Variants in ATP8A1 observed in about 807,000 individuals in gnomAD.
ATP8A1 encodes phospholipid-transporting ATPase IA.
Under a neutral mutation model 177.7 loss-of-function variants are expected in ATP8A1, and 90 were observed. The ratio of observed to expected loss-of-function variants is 0.51; its 90% confidence interval spans 0.43 to 0.60. The LOEUF is 0.60. Among genes scored for constraint, ATP8A1 ranks in the 20% least tolerant of loss-of-function variants. The pLI is 0.00. For synonymous variants in ATP8A1, 493 were observed against 485.9 expected, an observed-to-expected ratio of 1.01 and a Z score of -0.19; for missense variants, 1,072 against 1,392.8, an observed-to-expected ratio of 0.77 and a Z score of 3.67.
chr4:42,655,567 T>C (rs1235231127), intron 1 of ATP8A1, among the ~76,000 whole-genome samples: 1 of 152,244 alleles, frequency 6.6e-6, no homozygotes, highest in Non-Finnish European at 1.5e-5. Flanking sequence ...TATTCAACTG[T>C]GTATGTAAAA....
intron 31 of ATP8A1, among the ~76,000 whole-genome samples, chr4:42,446,098 A>AAAAAAG (rs1553874360): frequency 6.8e-6 from 1 of 146,898 alleles, no homozygotes; most frequent in African/African-American, 2.5e-5. Flanking sequence ...AAAAAAAAAA[A>AAAAAAG]AGAGAAGAGA....
At chr4:42,594,543 A>T (rs1734532541) in intron 6 of ATP8A1, among the ~76,000 whole-genome samples, 1 of 151,692 alleles carries the variant, frequency 6.6e-6, no homozygotes, top group African/African-American at 2.4e-5. Context: ...GAATCCTTTA[A>T]AAAAAATGAA....
intron 4 of ATP8A1, among the ~76,000 whole-genome samples, chr4:42,622,481 C>CATGG (rs2109475301): frequency 6.6e-6 from 1 of 152,148 alleles, no homozygotes; most frequent in African/African-American, 2.4e-5. Context: ...AGGACATAGG[C>CATGG]ATGGGCAAAG....
intron 25 of ATP8A1, among the ~76,000 whole-genome samples, chr4:42,474,538 G>C (rs1254598110): frequency 6.6e-6 from 1 of 152,202 alleles, no homozygotes; most frequent in South Asian, 2.1e-4. Context: ...CGCATGCCTT[G>C]GAACAGGAAA....
At chr4:42,455,756 T>G (rs1718416791) in intron 27 of ATP8A1, among the ~76,000 whole-genome samples, 157 bp from the exon 28 acceptor site, 1 of 152,214 alleles carries the variant, frequency 6.6e-6, no homozygotes. Context: ...ACTTTCTGAT[T>G]GAAAGAGATG....
chr4:42,632,276 T>C (rs945551894), intron 1 of ATP8A1, among the ~76,000 whole-genome samples: 1 of 152,202 alleles, frequency 6.6e-6, no homozygotes, highest in Non-Finnish European at 1.5e-5. Context: ...GAATCTGGTC[T>C]AGCTTTTATT....
At chr4:42,579,777 A>G in intron 11 of ATP8A1, 36 bp downstream of exon 11, 1 of 1,542,070 alleles carries the variant, frequency 6.5e-7, no homozygotes, top group Non-Finnish European at 8.8e-7. Flanking sequence ...TACATGTCTT[A>G]ATCTAAAAAA....
intron 20 of ATP8A1, among the ~76,000 whole-genome samples, chr4:42,539,442 A>G (rs1728171599): frequency 6.8e-6 from 1 of 146,210 alleles, no homozygotes; most frequent in Non-Finnish European, 1.5e-5. Context: ...CTTCACAGTT[A>G]GAAAAAATAA....
intron 32 of ATP8A1, 149 bp from the exon 33 acceptor site, chr4:42,443,821 T>C: frequency 3.7e-6 from 2 of 543,716 alleles, no homozygotes. Flanking sequence ...GTGTGTGTTT[T>C]TTAATTGGAT....
intron 22 of ATP8A1, 150 bp from the exon 23 acceptor site, chr4:42,507,304 G>C: frequency 1.2e-6 from 1 of 840,862 alleles, no homozygotes; most frequent in South Asian, 1.8e-5. Flanking sequence ...TGAGTTTTCT[G>C]AAATATCCTT....
intron 1 of ATP8A1, among the ~76,000 whole-genome samples, chr4:42,640,738 C>T (rs1739889250): frequency 6.6e-6 from 1 of 152,110 alleles, no homozygotes. Context: ...AAAGAGCCTC[C>T]CCTGGGTCAC....
intron 25 of ATP8A1, among the ~76,000 whole-genome samples, chr4:42,471,460 T>A (rs1180847786): frequency 6.6e-6 from 1 of 152,236 alleles, no homozygotes; most frequent in Non-Finnish European, 1.5e-5. Flanking sequence ...TTTTGTAGAA[T>A]TTATGTGGTT....
At chr4:42,486,925 T>C (rs1722256426) in intron 24 of ATP8A1, among the ~76,000 whole-genome samples, 1 of 152,204 alleles carries the variant, frequency 6.6e-6, no homozygotes, top group Admixed American at 6.5e-5. Context: ...GTTCATACAA[T>C]GACAAAATTG....
intron 5 of ATP8A1, among the ~76,000 whole-genome samples, chr4:42,615,018 T>C (rs11935652): frequency 0.23 from 34,381 of 152,158 alleles, 4,354 homozygotes; most frequent in Non-Finnish European, 0.29. Context: ...GTCCAAATCC[T>C]TCATCTTCCA....
chr4:42,574,755 C>G, intron 13 of ATP8A1, 48 bp from the exon 14 acceptor site: 1 of 1,309,954 alleles, frequency 7.6e-7, no homozygotes, highest in Non-Finnish European at 1.1e-6. Flanking sequence ...GTCTTTATGC[C>G]ACTCTTTTAC....
intron 5 of ATP8A1, among the ~76,000 whole-genome samples, chr4:42,608,654 A>G (rs1470015500): frequency 6.6e-6 from 1 of 152,168 alleles, no homozygotes; most frequent in East Asian, 1.9e-4. Context: ...CACCGCACCC[A>G]GCCTATCATT....
chr4:42,470,980 C>G (rs1338788129), intron 25 of ATP8A1, among the ~76,000 whole-genome samples: 1 of 152,092 alleles, frequency 6.6e-6, no homozygotes, highest in African/African-American at 2.4e-5. Flanking sequence ...AAAACGTAAA[C>G]TAGAAGATCT....
intron 8 of ATP8A1, among the ~76,000 whole-genome samples, chr4:42,587,224 C>A (rs1343002216): frequency 6.6e-6 from 1 of 151,796 alleles, no homozygotes; most frequent in Non-Finnish European, 1.5e-5. Flanking sequence ...TTTTAAAAAA[C>A]TTTAATTTTA....
intron 15 of ATP8A1, 133 bp from the exon 16 acceptor site, chr4:42,556,173 T>G: frequency 2.0e-6 from 1 of 512,664 alleles, no homozygotes; most frequent in East Asian, 3.3e-5. Flanking sequence ...GGCCTGCATT[T>G]CTAAGTAAGA....
Sources: gnomAD v4.1 joint callset for allele counts (sites outside exome capture counted in the v4.1 genomes callset) on GRCh38, gnomAD v4.1.1 for gene constraint, MANE v1.5 for transcripts, NCBI Gene and HGNC (gene_info 2026-07-23, HGNC 2026-07-21) for gene names.